Variants in SNX29 observed in about 807,000 individuals in gnomAD.
SNX29 encodes sorting nexin 29, also known as sorting nexin-29.
SNX29 carries 78 observed loss-of-function variants against 102.1 expected under a neutral mutation model. That is an observed-to-expected ratio of 0.76 (90% confidence interval 0.64 to 0.92). The LOEUF is 0.92. Among genes scored for constraint, SNX29 ranks in the 40% least tolerant of loss-of-function variants. The pLI is 0.00. For missense variants in SNX29, 1,280 were observed against 1,061.7 expected (o/e 1.21, Z -2.86); for synonymous variants, 580 against 414.5 (o/e 1.40, Z -4.85).
At chr16:12,421,109 C>G (rs993931027) in intron 18 of SNX29, among the ~76,000 whole-genome samples, 1 of 152,172 alleles carries the variant, frequency 6.6e-6, no homozygotes, top group Non-Finnish European at 1.5e-5. Flanking sequence ...AGTGCCTTGC[C>G]TAAGGTCATA....
chr16:12,364,416 C>CTTCTTTTTTTTTT (rs1555520124), intron 16 of SNX29, among the ~76,000 whole-genome samples: 4 of 98,796 alleles, frequency 4.0e-5, no homozygotes, highest in African/African-American at 1.3e-4. Context: ...CTCTCTTCTT[C>CTTCTTTTTTTTTT]TTTTTTTTTT....
intron 11 of SNX29, among the ~76,000 whole-genome samples, chr16:12,104,904 T>C (rs374361957): frequency 6.6e-6 from 1 of 152,270 alleles, no homozygotes; most frequent in South Asian, 2.1e-4. Flanking sequence ...GGAAAGAATG[T>C]CAAAGACTTG....
intron 18 of SNX29, among the ~76,000 whole-genome samples, chr16:12,466,780 C>A (rs1227259348): frequency 2.0e-5 from 3 of 152,126 alleles, no homozygotes; most frequent in Non-Finnish European, 1.5e-5. Context: ...CAGTTGGCTG[C>A]CTGGGCTCTT....
At chr16:12,052,285 C>T (rs1350812124) in intron 8 of SNX29, 63 bp downstream of exon 8, 3 of 1,572,912 alleles carry the variant, frequency 1.9e-6, no homozygotes, top group Non-Finnish European at 2.6e-6. Context: ...GGCGTGATCT[C>T]AGCTCACTGC....
chr16:12,409,703 G>A (rs1468138360), intron 18 of SNX29, among the ~76,000 whole-genome samples: 1 of 152,052 alleles, frequency 6.6e-6, no homozygotes, highest in Non-Finnish European at 1.5e-5. Context: ...AGGTATGTTA[G>A]GCCTTAAAAA....
chr16:12,562,694 G>C (rs1250826094), intron 20 of SNX29, among the ~76,000 whole-genome samples: 3 of 152,150 alleles, frequency 2.0e-5, no homozygotes, highest in African/African-American at 4.8e-5. Context: ...GCCTTCTTTG[G>C]AGTCGAGATT....
At chr16:12,554,517 G>A (rs1567187777) in intron 20 of SNX29, among the ~76,000 whole-genome samples, 1 of 152,224 alleles carries the variant, frequency 6.6e-6, no homozygotes, top group Non-Finnish European at 1.5e-5. Flanking sequence ...GCAGGATGCT[G>A]CATTGAACAT....
chr16:12,450,820 A>G (rs1110577), intron 18 of SNX29, among the ~76,000 whole-genome samples: 1 of 151,782 alleles, frequency 6.6e-6, no homozygotes, highest in Non-Finnish European at 1.5e-5. Flanking sequence ...TCGATCAGGG[A>G]CCATTTGGAG....
Position 12,096,117 on chromosome 16 carries a change from G to A in SNX29, c.1402+17202G>A, listed in dbSNP as rs2052756280. On this transcript the variant is annotated intron_variant, in intron 11 of 20. Transcript: ENST00000566228. The surrounding 1 kb of genome is among the most constrained non-coding windows in gnomAD (Gnocchi z 4.2). The stretch of plus-strand genomic sequence containing the variant: ...GGCCGTTAAATCGGCTGCAGTCTGA[G>A]CCCCCTGCCCCTTAACTGCCGAGAA... Among the ~76,000 whole-genome samples, 1 of 152,202 alleles carries A rather than the reference G, an allele frequency of 6.6e-6. No individual in the cohort carries two copies. Among genetic ancestry groups the A allele is most frequent in the East Asian group, 1.9e-4 (1 of 5,200 alleles).
intron 18 of SNX29, among the ~76,000 whole-genome samples, chr16:12,431,751 C>A (rs1243740099): frequency 6.6e-6 from 1 of 152,206 alleles, no homozygotes; most frequent in Non-Finnish European, 1.5e-5. Context: ...GTCACAGCAT[C>A]TTCTGAGCTG....
chr16:12,498,688 T>A (rs2088953023), intron 19 of SNX29, among the ~76,000 whole-genome samples: 1 of 152,248 alleles, frequency 6.6e-6, no homozygotes, highest in Non-Finnish European at 1.5e-5. Flanking sequence ...TCTCTAGTAA[T>A]CTCTGAATAG....
chr16:12,243,631 A>T (rs916553814), intron 14 of SNX29, among the ~76,000 whole-genome samples: 1 of 152,166 alleles, frequency 6.6e-6, no homozygotes, highest in Non-Finnish European at 1.5e-5. Flanking sequence ...ATTTTGGCCC[A>T]GACATTTTGG....
intron 15 of SNX29, among the ~76,000 whole-genome samples, chr16:12,345,601 T>G (rs182882256): frequency 1.3e-5 from 2 of 152,178 alleles, no homozygotes; most frequent in Non-Finnish European, 2.9e-5. Flanking sequence ...ACAGTAACTG[T>G]TGTTGCCACT....
In SNX29 at chr16:12,570,179, C is replaced by CGA; in HGVS notation, c.*1552_*1553dup. 1 of 1,065,134 alleles carries CGA rather than the reference C, an allele frequency of 9.4e-7. No individual in the cohort carries two copies. 66.0% of individuals were successfully genotyped at this position (1,065,134 alleles called of 1,614,324 possible). On this transcript the variant is annotated 3_prime_UTR_variant, in exon 21 of 21. Coordinates refer to ENST00000566228, the MANE Select transcript of SNX29 (RefSeq NM_032167.5). ...CAGCGCCCCCCCACCCCAGAGAAAC[C>CGA]GAGTCAGCCTACATGACTTCCAAGG...
chr16:12,421,913 G>GTCCATCA (rs1480733239), intron 18 of SNX29, among the ~76,000 whole-genome samples: 2 of 70,508 alleles, frequency 2.8e-5, no homozygotes, highest in Non-Finnish European at 4.8e-5. Flanking sequence ...ATCACCAGCC[G>GTCCATCA]TCCATCACCA....
chr16:12,528,575 C>G (rs1200847094), intron 20 of SNX29, among the ~76,000 whole-genome samples: 3 of 152,166 alleles, frequency 2.0e-5, no homozygotes, highest in Non-Finnish European at 2.9e-5. Flanking sequence ...TGCCCCGTGT[C>G]CACTGAACCC....
chr16:12,535,284 A>G (rs965902958), intron 20 of SNX29, among the ~76,000 whole-genome samples: 10 of 152,260 alleles, frequency 6.6e-5, no homozygotes, highest in African/African-American at 1.7e-4. Flanking sequence ...GATTACAGGC[A>G]TGTGCCACCA....
intron 17 of SNX29, 29 bp downstream of exon 17, chr16:12,398,530 G>T: frequency 1.2e-6 from 2 of 1,613,600 alleles, no homozygotes; most frequent in Non-Finnish European, 1.7e-6. Flanking sequence ...CTCACAAGGG[G>T]TCCTTTAGAA....
intron 20 of SNX29, among the ~76,000 whole-genome samples, chr16:12,562,643 G>C (rs954311810): frequency 6.6e-6 from 1 of 152,172 alleles, no homozygotes; most frequent in Non-Finnish European, 1.5e-5. Flanking sequence ...TCTTCCCTGA[G>C]GGGCTGTTTT....
Sources: allele counts gnomAD v4.1 joint callset (sites outside exome capture counted in the v4.1 genomes callset), GRCh38; gene constraint gnomAD v4.1.1; non-coding constraint Gnocchi (gnomAD v3.1); transcripts MANE v1.5; gene names NCBI Gene and HGNC (gene_info 2026-07-23, HGNC 2026-07-21).